The following STT3A variants were observed in gnomAD, a reference collection of about 807,000 sequenced individuals.
STT3A encodes STT3 oligosaccharyltransferase complex catalytic subunit A.
A neutral mutation model predicts 89.2 loss-of-function variants in STT3A; 34 were observed. The ratio of observed to expected loss-of-function variants is 0.38; its 90% confidence interval spans 0.29 to 0.51. STT3A has a LOEUF of 0.51. STT3A is among the 20% of genes least tolerant of loss of function. STT3A has a pLI of 0.89. For missense variants in STT3A, 555 were observed against 889.5 expected (o/e 0.62, Z 4.78); for synonymous variants, 282 against 310.3 (o/e 0.91, Z 0.96).
intron 17 of STT3A, among the ~76,000 whole-genome samples, chr11:125,620,340 C>G (rs185945095): frequency 1.1e-4 from 17 of 152,260 alleles, no homozygotes; most frequent in African/African-American, 3.6e-4. Flanking sequence ...GCGGTTGTTG[C>G]AGTGATACTT....
chr11:125,605,499 G>A (rs1324278989), intron 6 of STT3A, 130 bp from the exon 7 acceptor site: 5 of 582,530 alleles, frequency 8.6e-6, no homozygotes, highest in Non-Finnish European at 1.5e-5. Flanking sequence ...GAAACAAAAG[G>A]AAGTAAATAA....
chr11:125,595,755 G>A (rs893414613), intron 1 of STT3A, 126 bp from the exon 2 acceptor site: 5 of 606,476 alleles, frequency 8.2e-6, no homozygotes, highest in African/African-American at 1.9e-5. Flanking sequence ...ACTAGTATTA[G>A]CCTTGACCCT....
intron 8 of STT3A, 70 bp from the exon 9 acceptor site, chr11:125,608,039 A>C: frequency 6.8e-7 from 1 of 1,463,978 alleles, no homozygotes; most frequent in Non-Finnish European, 9.1e-7. Flanking sequence ...AGATAAGAAT[A>C]ATGCAGGCCT....
At chr11:125,600,242 G>A (rs550128939) in intron 3 of STT3A, among the ~76,000 whole-genome samples, 17 of 152,156 alleles carry the variant, frequency 1.1e-4, no homozygotes, top group Non-Finnish European at 1.9e-4. Flanking sequence ...TAGAGACAGG[G>A]TTTCTCCATG....
chr11:125,603,996 T>C (rs1311415302), intron 5 of STT3A, among the ~76,000 whole-genome samples, 161 bp from the exon 6 acceptor site: 1 of 152,238 alleles, frequency 6.6e-6, no homozygotes, highest in Non-Finnish European at 1.5e-5. Context: ...TTAGCTTGCT[T>C]GTGCTGTGAG....
chr11:125,601,350 G>T (rs1469441262), intron 3 of STT3A, among the ~76,000 whole-genome samples: 1 of 152,230 alleles, frequency 6.6e-6, no homozygotes, highest in Non-Finnish European at 1.5e-5. Context: ...GCCAGGCATG[G>T]TGGCTCACAC....
intron 8 of STT3A, 109 bp downstream of exon 8, chr11:125,606,574 T>A (rs2135926382): frequency 8.1e-7 from 1 of 1,238,890 alleles, no homozygotes; most frequent in East Asian, 2.4e-5. Flanking sequence ...ATTCACAGCC[T>A]TTATATTGAA....
intron 8 of STT3A, among the ~76,000 whole-genome samples, chr11:125,607,282 G>A (rs1282624965): frequency 3.9e-5 from 6 of 152,182 alleles, no homozygotes; most frequent in South Asian, 4.1e-4. Context: ...TAGGCTAGGC[G>A]TATTAAATGC....
At chr11:125,610,175 A>G (rs1344938348) in intron 10 of STT3A, among the ~76,000 whole-genome samples, 1 of 142,672 alleles carries the variant, frequency 7.0e-6, no homozygotes, top group African/African-American at 2.6e-5. Flanking sequence ...CCATCCTTCC[A>G]CCTCACCCTC....
chr11:125,618,315 C>A, intron 15 of STT3A, 58 bp from the exon 16 acceptor site: 1 of 1,475,922 alleles, frequency 6.8e-7, no homozygotes, highest in East Asian at 2.3e-5. Flanking sequence ...AAATACTAAC[C>A]TGCTTTAACT....
At chr11:125,612,264 G>A (rs1372301801) in intron 11 of STT3A, among the ~76,000 whole-genome samples, 1 of 151,934 alleles carries the variant, frequency 6.6e-6, no homozygotes, top group East Asian at 1.9e-4. Context: ...TATTGTTTAG[G>A]GAACAATGAC....
Position 125,608,600 on chromosome 11 carries a change from A to G in STT3A, c.961+311A>G, listed in dbSNP as rs77701996. On this transcript the variant is annotated intron_variant, in intron 9 of 17. Coordinates refer to ENST00000392708, the MANE Select transcript of STT3A (RefSeq NM_152713.5). ...CTCGGCCTCCCAAATTGCTGGGATT[A>G]CAGGCGTGAGCCACTGCACCCGGTC... Among the ~76,000 whole-genome samples, 4 of 152,262 alleles carry G rather than the reference A, an allele frequency of 2.6e-5. No homozygotes were observed. In the East Asian group the frequency reaches 7.7e-4, roughly 29 times the overall value.
chr11:125,608,342 T>C (rs1939898186), intron 9 of STT3A, 53 bp downstream of exon 9: 1 of 1,525,766 alleles, frequency 6.6e-7, no homozygotes. Context: ...AAGATGGAGT[T>C]TCGCTCTTGT....
chr11:125,609,857 GGTTTT>G (rs765303532), intron 10 of STT3A: 23 of 393,644 alleles, frequency 5.8e-5, no homozygotes, highest in African/African-American at 2.9e-4. Context: ...TTTTTACTCC[GGTTTT>G]GTTTTGTTTT....
rs1316398317 is a variant in STT3A at position 125,613,015 on chromosome 11, G to T, written c.1392G>T (p.Met464Ile). 6.2e-7 allele frequency: 1 copy of T among 1,614,120 alleles called. No individual in the cohort carries two copies. Among genetic ancestry groups the T allele is most frequent in the South Asian group, 1.1e-5 (1 of 91,084 alleles). Residue 464 changes from methionine to isoleucine, a missense_variant, in exon 13 of 18, where the codon ATG becomes ATT. Physicochemically the swap from Met to Ile is conservative, Grantham distance 10. Around this residue, in one of 5 missense-constraint regions of STT3A, gnomAD observed 273 missense variants for 449.8 expected, o/e 0.61. Coordinates refer to ENST00000392708, the MANE Select transcript of STT3A (RefSeq NM_152713.5). The surrounding 1 kb of genome is among the most constrained non-coding windows in gnomAD (Gnocchi z 4.2). ...TGGCAAGTGGGATGATACTGGTCATGGCTTTCTTTCTCATCACCTACACCT... is the reference window on the plus strand; with the variant it reads ...TGGCAAGTGGGATGATACTGGTCATTGCTTTCTTTCTCATCACCTACACCT... ...NEVASGMILVMAFFLITYTFH... is the reference protein window; with the variant it reads ...NEVASGMILVIAFFLITYTFH...
chr11:125,620,905 T>C lies in STT3A; in HGVS notation c.*95T>C. The C allele has an allele frequency of 2.7e-6, 3 of 1,126,726 alleles. No individual in the cohort carries two copies. 69.8% of individuals were successfully genotyped at this position (1,126,726 alleles called of 1,614,324 possible). ...TTTTTTTTTTTTAATATGCAGTTTGTAAGAACAAAACTGGATGGCATCAGA... is the reference window on the plus strand; with the variant it reads ...TTTTTTTTTTTTAATATGCAGTTTGCAAGAACAAAACTGGATGGCATCAGA... On this transcript the variant is annotated 3_prime_UTR_variant, in exon 18 of 18. Transcript: ENST00000392708.
intron 2 of STT3A, among the ~76,000 whole-genome samples, chr11:125,596,725 GGTTA>G (rs113404242): frequency 0.11 from 16,161 of 152,112 alleles, 1,212 homozygotes; most frequent in African/African-American, 0.22. Context: ...CCAAGGTTAA[GGTTA>G]GTTATGTGTG....
chr11:125,595,561 AT>A (rs772344883), intron 1 of STT3A, among the ~76,000 whole-genome samples: 36 of 148,488 alleles, frequency 2.4e-4, no homozygotes, highest in Admixed American at 5.4e-4. Flanking sequence ...TTTCCTGTTT[AT>A]TTTTTCATCT....
Position 125,613,704 on chromosome 11 carries a change from G to A in STT3A, c.1555-383G>A, listed in dbSNP as rs765083548. The A allele has an allele frequency of 2.3e-5, 4 of 173,666 alleles. No individual in the cohort carries two copies. The allele number at this position is 173,666 out of a possible 1,614,324, so 10.8% of individuals were successfully genotyped here. On this transcript the variant is annotated intron_variant, in intron 13 of 17. Transcript: ENST00000392708. The surrounding 1 kb of genome is among the most constrained non-coding windows in gnomAD (Gnocchi z 4.2). ...TTGTCCATCGTATCATGTGATTTGA[G>A]TTTCCACCCCATCTTTATAGTAAGT...
Sources: gnomAD v4.1 joint callset for allele counts (sites outside exome capture counted in the v4.1 genomes callset) on GRCh38, gnomAD v4.1.1 for gene constraint, gnomAD v4.1.1 regional missense constraint, Gnocchi (gnomAD v3.1) non-coding constraint, MANE v1.5 for transcripts, NCBI Gene and HGNC (gene_info 2026-07-23, HGNC 2026-07-21) for gene names.